ALDH1B1: variants seen among roughly 807,000 people sequenced by gnomAD.
ALDH1B1 encodes aldehyde dehydrogenase 1 family member B1.
ALDH1B1 carries 19 observed loss-of-function variants against 26.2 expected under a neutral mutation model. That is an observed-to-expected ratio of 0.72 (90% CI 0.51 to 1.06). The LOEUF is 1.06. Ranked by LOEUF, ALDH1B1 falls within the 50% of genes least tolerant of loss-of-function variation. The pLI is 0.00. For missense variants in ALDH1B1, 671 were observed against 683.1 expected (o/e 0.98, Z 0.20); for synonymous variants, 249 against 286.0 (o/e 0.87, Z 1.31).
rs1388271354 is a variant in ALDH1B1, at chr9:38,392,735, A to T, written c.-82A>T. 7 of 985,482 alleles carry T rather than the reference A, an allele frequency of 7.1e-6. No individual in the cohort carries two copies. The South Asian group carries it at 1.4e-4, about 20-fold the overall frequency. The allele number at this position is 985,482 out of a possible 1,614,324, so 61.0% of individuals were successfully genotyped here. On this transcript the variant is annotated 5_prime_UTR_variant, in exon 1 of 2. The change abolishes an upstream ATG in the 5' untranslated region. Coordinates refer to ENST00000377698, the MANE Select transcript of ALDH1B1 (RefSeq NM_000692.5). Reference sequence around the variant, plus strand: ...GACCTGCGGCCAGCCCTGGGCGGCCATGTGGACAGAGCTGGGAGGGCCGGA... The same window carrying T: ...GACCTGCGGCCAGCCCTGGGCGGCCTTGTGGACAGAGCTGGGAGGGCCGGA...
Position 38,398,416 on chromosome 9 carries a change from G to A in ALDH1B1, c.*1114G>A, listed in dbSNP as rs1193052748. 2 of 151,012 alleles carry A rather than the reference G, an allele frequency of 1.3e-5. No individual in the cohort carries two copies. Among genetic ancestry groups the A allele is most frequent in the East Asian group, 4.1e-4 (2 of 4,934 alleles). 9.4% of individuals were successfully genotyped at this position (151,012 alleles called of 1,614,324 possible). On this transcript the variant is annotated 3_prime_UTR_variant, in exon 2 of 2. Transcript: ENST00000377698. Reference sequence around the variant, plus strand: ...TGCAACCTCCGCCTCCCAGATTCAAGCGATTCTCCTGTCTCAGCCTCCTGA... The same window carrying A: ...TGCAACCTCCGCCTCCCAGATTCAAACGATTCTCCTGTCTCAGCCTCCTGA...
rs1400872071 is a variant in ALDH1B1 at position 38,398,312 on chromosome 9, T to TC, written c.*1010_*1011insC. 7 of 157,516 alleles carry TC rather than the reference T, an allele frequency of 4.4e-5. No individual in the cohort carries two copies. The highest frequency in any genetic ancestry group is 1.0e-4 in the Non-Finnish European group (7 of 67,014). 9.8% of individuals were successfully genotyped at this position (157,516 alleles called of 1,614,324 possible). A position where few individuals can be genotyped will look rare whatever the true frequency, so the allele number is the denominator to read the frequency against. ...TATATGAATTAATTTCTTTCTTTTT[T>TC]TCTTTTTTTTTTTTTTTTTTGACAC... On this transcript the variant is annotated 3_prime_UTR_variant, in exon 2 of 2. Coordinates refer to ENST00000377698, the MANE Select transcript of ALDH1B1 (RefSeq NM_000692.5).
At position 38,395,824 on chromosome 9, in the gene ALDH1B1, C is replaced by T; in HGVS notation, c.76C>T (p.Pro26Ser). 2 of 1,613,066 alleles carry T rather than the reference C, an allele frequency of 1.2e-6. No homozygotes were observed. The highest frequency in any genetic ancestry group is 1.7e-6 in the Non-Finnish European group (2 of 1,180,020). The change falls in exon 2 of 2, where the codon CCA becomes TCA. Residue 26 changes from proline to serine, a missense_variant. Coordinates refer to ENST00000377698, the MANE Select transcript of ALDH1B1 (RefSeq NM_000692.5). ...CCGCTACTCCTCGGCAGCAGCCCTC[C>T]CAAGCCCCATTCTGAACCCAGACAT... ...TARYSSAAAL[P>S]SPILNPDIPY...
chr9:38,396,057 G>A lies in ALDH1B1; in HGVS notation c.309G>A (p.Arg103=), dbSNP rs1338082619. 2.5e-6 allele frequency: 4 copies of A among 1,614,046 alleles called. No homozygotes were observed. The East Asian group carries it at 8.9e-5, about 36-fold the overall frequency. The stretch of plus-strand genomic sequence containing the variant: ...GGATGGATGCCTCTGAGCGGGGCCG[G>A]CTGCTGAACCGCCTGGCAGACCTAG... ...WRRMDASERG[R]LLNRLADLVE... The change falls in exon 2 of 2, where the codon CGG becomes CGA. Residue 103 remains arginine, a synonymous_variant. Coordinates refer to ENST00000377698, the MANE Select transcript of ALDH1B1 (RefSeq NM_000692.5).
Position 38,392,805 on chromosome 9 carries a change from C to T in ALDH1B1, c.-12C>T, listed in dbSNP as rs954553595. On this transcript the variant is annotated splice_region_variant and 5_prime_UTR_variant, in exon 1 of 2. Transcript: ENST00000377698. ...CCTGAACCGGAGCCCGAGCCTGCTG[C>T]AGGTAACTAACGCTGGTCTCCCCTC... The T allele has an allele frequency of 2.0e-6, 2 of 985,658 alleles. No individual in the cohort carries two copies. Among genetic ancestry groups the T allele is most frequent in the Admixed American group, 6.1e-5 (1 of 16,288 alleles). The allele number at this position is 985,658 out of a possible 1,614,324, so 61.1% of individuals were successfully genotyped here. A position where few individuals can be genotyped will look rare whatever the true frequency, so the allele number is the denominator to read the frequency against.
rs764953479 is a variant in ALDH1B1 at position 38,396,028 on chromosome 9, C to T, written c.280C>T (p.Arg94Cys). 28 of 1,613,696 alleles carry T rather than the reference C, an allele frequency of 1.7e-5. No individual in the cohort carries two copies. The Admixed American group carries it at 1.8e-4, about 11-fold the overall frequency. The change falls in exon 2 of 2, where the codon CGC (arginine) becomes TGC (cysteine). Residue 94 changes from arginine to cysteine, a missense_variant. Arg to Cys is a radical substitution (Grantham distance 180). Transcript: ENST00000377698. ...REAFRLGSPW[R>C]RMDASERGRL... ...AGCCTTCCGCCTGGGGTCCCCATGG[C>T]GCCGGATGGATGCCTCTGAGCGGGG...
rs757967687 is a variant in ALDH1B1 at position 38,395,973 on chromosome 9, T to C, written c.225T>C (p.Asp75=). The change falls in exon 2 of 2, where the codon GAT becomes GAC. Residue 75 remains aspartate, a synonymous_variant. Coordinates refer to ENST00000377698, the MANE Select transcript of ALDH1B1 (RefSeq NM_000692.5). ...ACGTGGCTGAAGGTGACCGGGCTGA[T>C]GTGGATCGGGCCGTGAAAGCAGCCC... is the stretch of plus-strand genomic sequence containing the variant. ...IGHVAEGDRA[D]VDRAVKAARE... 1 of 1,613,704 alleles carries C rather than the reference T, an allele frequency of 6.2e-7. No homozygotes were observed. Among genetic ancestry groups the C allele is most frequent in the Non-Finnish European group, 8.5e-7 (1 of 1,179,998 alleles).
chr9:38,395,831 C>T lies in ALDH1B1; in HGVS notation c.83C>T (p.Pro28Leu), dbSNP rs763146684. 1.2e-6 allele frequency: 2 copies of T among 1,613,076 alleles called. No individual in the cohort carries two copies. Among genetic ancestry groups the T allele is most frequent in the Admixed American group, 1.7e-5 (1 of 60,008 alleles). The change falls in exon 2 of 2, where the codon CCC (proline) becomes CTC (leucine). Residue 28 changes from proline (P) to leucine (L), a missense_variant. Pro to Leu is a moderately conservative substitution (Grantham distance 98, BLOSUM62 -3). Transcript: ENST00000377698. The part of the protein sequence containing the change: ...RYSSAAALPS[P>L]ILNPDIPYNQ... ...TCCTCGGCAGCAGCCCTCCCAAGCC[C>T]CATTCTGAACCCAGACATCCCCTAC...
Position 38,396,693 on chromosome 9 carries a change from G to A in ALDH1B1, c.945G>A (p.Met315Ile). Reference protein sequence around the residue: ...EQCHEALFFNMGQCCCAGSRT... With the variant: ...EQCHEALFFNIGQCCCAGSRT... ...GCCACGAAGCCCTGTTCTTCAACAT[G>A]GGCCAGTGCTGCTGTGCTGGCTCCC... Residue 315 changes from methionine (M) to isoleucine (I), a missense_variant, in exon 2 of 2, where the codon ATG (methionine) becomes ATA (isoleucine). Met to Ile is a conservative substitution (Grantham distance 10). Coordinates refer to ENST00000377698, the MANE Select transcript of ALDH1B1 (RefSeq NM_000692.5). 2 of 1,614,184 alleles carry A rather than the reference G, an allele frequency of 1.2e-6. No homozygotes were observed. The highest frequency in any genetic ancestry group is 1.7e-6 in the Non-Finnish European group (2 of 1,180,044).
chr9:38,396,127 A>G lies in ALDH1B1; in HGVS notation c.379A>G (p.Asn127Asp). The G allele has an allele frequency of 6.2e-7, 1 of 1,614,208 alleles. No individual in the cohort carries two copies. The change falls in exon 2 of 2, where the codon AAT becomes GAT. Residue 127 changes from asparagine (N) to aspartate (D), a missense_variant. Physicochemically the swap from Asn to Asp is conservative, Grantham distance 23. Coordinates refer to ENST00000377698, the MANE Select transcript of ALDH1B1 (RefSeq NM_000692.5). Reference protein sequence around the residue: ...VYLASLETLDNGKPFQESYAL... With the variant: ...VYLASLETLDDGKPFQESYAL... ...CTTGGCCTCACTCGAGACCTTGGAC[A>G]ATGGGAAGCCTTTCCAAGAGTCTTA...
chr9:38,395,937 G>T lies in ALDH1B1; in HGVS notation c.189G>T (p.Glu63Asp), dbSNP rs1476454844. 1.2e-6 allele frequency: 2 copies of T among 1,613,916 alleles called. No individual in the cohort carries two copies. The highest frequency in any genetic ancestry group is 3.3e-5 in the Admixed American group (2 of 60,030). The change falls in exon 2 of 2, where the codon GAG becomes GAT. Residue 63 changes from glutamate to aspartate, a missense_variant. Transcript: ENST00000377698. ...TFPTVNPTTG[E>D]VIGHVAEGDR... is the part of the protein sequence containing the mutation. The stretch of plus-strand genomic sequence containing the variant: ...CGACGGTCAACCCTACCACCGGGGA[G>T]GTCATTGGGCACGTGGCTGAAGGTG...
In ALDH1B1 at chr9:38,397,183, C is replaced by T. The variant is rs1409783710; in HGVS notation, c.1435C>T (p.His479Tyr). The change falls in exon 2 of 2, where the codon CAC (histidine) becomes TAC (tyrosine). Residue 479 changes from histidine (H) to tyrosine (Y), a missense_variant. His to Tyr is a moderately conservative substitution (Grantham distance 83, BLOSUM62 2). Transcript: ENST00000377698. ...AAACACCTACAACATCGTCACCTGC[C>T]ACACGCCATTTGGAGGGTTTAAGGA... ...WVNTYNIVTC[H>Y]TPFGGFKESG... The T allele has an allele frequency of 6.2e-7, 1 of 1,614,046 alleles. No homozygotes were observed. Among genetic ancestry groups the T allele is most frequent in the African/African-American group, 1.3e-5 (1 of 74,902 alleles).
chr9:38,397,239 T>A lies in ALDH1B1; in HGVS notation c.1491T>A (p.Asp497Glu). 6.2e-7 allele frequency: 1 copy of A among 1,614,164 alleles called. No individual in the cohort carries two copies. Among genetic ancestry groups the A allele is most frequent in the Non-Finnish European group, 8.5e-7 (1 of 1,180,014 alleles). The change falls in exon 2 of 2, where the codon GAT becomes GAA. Residue 497 changes from aspartate to glutamate, a missense_variant. By Grantham distance (45) the Asp-to-Glu change is conservative (BLOSUM62 2). Transcript: ENST00000377698. Reference sequence around the variant, plus strand: ...GAAACGGGAGGGAGCTGGGTGAGGATGGGCTTAAGGCCTACACAGAGGTAA... The same window carrying A: ...GAAACGGGAGGGAGCTGGGTGAGGAAGGGCTTAAGGCCTACACAGAGGTAA... ...ESGNGRELGE[D>E]GLKAYTEVKT...
chr9:38,395,796 C>T lies in ALDH1B1; in HGVS notation c.48C>T (p.Thr16=), dbSNP rs752324534. 1.2e-5 allele frequency: 19 copies of T among 1,611,772 alleles called. No homozygotes were observed. Among genetic ancestry groups the T allele is most frequent in the East Asian group, 8.9e-5 (4 of 44,874 alleles). ...GGCTGCTTAGCCTCCAGGGCAGGAC[C>T]GCCCGCTACTCCTCGGCAGCAGCCC... ...APRLLSLQGR[T]ARYSSAAALP... The change falls in exon 2 of 2, where the codon ACC becomes ACT. Residue 16 remains threonine, a synonymous_variant. Transcript: ENST00000377698.
In ALDH1B1 at chr9:38,396,029, G is replaced by A. The variant is rs138473422; in HGVS notation, c.281G>A (p.Arg94His). ...REAFRLGSPWRRMDASERGRL... is the reference protein window; with the variant it reads ...REAFRLGSPWHRMDASERGRL... The stretch of plus-strand genomic sequence containing the variant: ...GCCTTCCGCCTGGGGTCCCCATGGC[G>A]CCGGATGGATGCCTCTGAGCGGGGC... The change falls in exon 2 of 2, where the codon CGC becomes CAC. Residue 94 changes from arginine to histidine, a missense_variant. By Grantham distance (29) the Arg-to-His change is conservative. Coordinates refer to ENST00000377698, the MANE Select transcript of ALDH1B1 (RefSeq NM_000692.5). 41 of 1,613,712 alleles carry A rather than the reference G, an allele frequency of 2.5e-5. 1 individual carries two copies. Among genetic ancestry groups the A allele is most frequent in the Middle Eastern group, 3.3e-4 (2 of 6,084 alleles).
In ALDH1B1 at chr9:38,398,270, G is replaced by A. The variant is rs1821327250; in HGVS notation, c.*968G>A. 6.0e-6 allele frequency: 1 copy of A among 166,398 alleles called. No homozygotes were observed. The highest frequency in any genetic ancestry group is 1.5e-5 in the Non-Finnish European group (1 of 67,974). The allele number at this position is 166,398 out of a possible 1,614,324, so 10.3% of individuals were successfully genotyped here. On this transcript the variant is annotated 3_prime_UTR_variant, in exon 2 of 2. Coordinates refer to ENST00000377698, the MANE Select transcript of ALDH1B1 (RefSeq NM_000692.5). ...TTTGGTAAAAATACTAAAAACTATG[G>A]AATTGTTTAATTATGGTATATGAAT...
chr9:38,397,776 T>A lies in ALDH1B1; in HGVS notation c.*474T>A, dbSNP rs1289699521. On this transcript the variant is annotated 3_prime_UTR_variant, in exon 2 of 2. Transcript: ENST00000377698. The stretch of plus-strand genomic sequence containing the variant: ...CCTAAAAACCAGAGGTGCTTTTCCT[T>A]GTCTGTGTGCCAGTTGCTGGCTGTT... The A allele has an allele frequency of 5.9e-6, 1 of 168,810 alleles. No individual in the cohort carries two copies. The highest frequency in any genetic ancestry group is 2.4e-5 in the African/African-American group (1 of 41,486). 10.5% of individuals were successfully genotyped at this position (168,810 alleles called of 1,614,324 possible).
chr9:38,395,630 G>T, intron 1 of ALDH1B1, 110 bp from the exon 2 acceptor site: 1 of 1,417,550 alleles, frequency 7.1e-7, no homozygotes, highest in South Asian at 1.5e-5. Context: ...GTTTTTAGAG[G>T]TGACAGTCCT....
chr9:38,396,478 A>G lies in ALDH1B1; in HGVS notation c.730A>G (p.Thr244Ala), dbSNP rs1357411829. ...VVNIITGYGP[T>A]AGAAIAQHVD... ...GAACATCATCACGGGGTATGGCCCAACAGCAGGTGCGGCCATCGCCCAGCA... is the reference window on the plus strand; with the variant it reads ...GAACATCATCACGGGGTATGGCCCAGCAGCAGGTGCGGCCATCGCCCAGCA... The change falls in exon 2 of 2, where the codon ACA (threonine) becomes GCA (alanine). Residue 244 changes from threonine to alanine, a missense_variant. Transcript: ENST00000377698. The G allele has an allele frequency of 6.2e-7, 1 of 1,614,048 alleles. No homozygotes were observed.
Sources: allele counts gnomAD v4.1 joint callset, GRCh38; gene constraint gnomAD v4.1.1; transcripts MANE v1.5; gene names NCBI Gene and HGNC (gene_info 2026-07-23, HGNC 2026-07-21).